The following SLC16A10 variants were observed in gnomAD, a reference collection of about 807,000 sequenced individuals.
SLC16A10 encodes monocarboxylate transporter 10.
In SLC16A10, 27 loss-of-function variants were observed where a neutral mutation model predicts 40.0. The ratio of observed to expected loss-of-function variants is 0.67; its 90% confidence interval spans 0.50 to 0.93. The LOEUF (loss-of-function observed/expected upper bound fraction) is 0.93, where lower values mean the gene tolerates loss of function less well. Among genes scored for constraint, SLC16A10 ranks in the 40% least tolerant of loss-of-function variants. The probability of loss-of-function intolerance (pLI) is 0.00; values close to 1 mark genes in which losing one functional copy is unlikely to be tolerated. For synonymous variants in SLC16A10, 213 were observed against 249.8 expected, an observed-to-expected ratio of 0.85 and a Z score of 1.39; for missense variants, 529 against 658.2, an observed-to-expected ratio of 0.80 and a Z score of 2.15.
chr6:111,157,878 G>A (rs1486392926), intron 1 of SLC16A10, among the ~76,000 whole-genome samples: 1 of 149,498 alleles, frequency 6.7e-6, no homozygotes, highest in Admixed American at 6.7e-5. Context: ...TCAGTACTAT[G>A]ATCCTTCTTA....
chr6:111,134,583 T>C (rs941579980), intron 1 of SLC16A10, among the ~76,000 whole-genome samples: 3 of 151,172 alleles, frequency 2.0e-5, no homozygotes, highest in African/African-American at 7.3e-5. Flanking sequence ...ACTGCTTTAG[T>C]CATGGCCCTC....
intron 1 of SLC16A10, among the ~76,000 whole-genome samples, chr6:111,151,408 C>CT (rs764846034): frequency 2.6e-5 from 4 of 152,172 alleles, no homozygotes; most frequent in Non-Finnish European, 5.9e-5. Flanking sequence ...CTCCCTTCAT[C>CT]TTTTTTAATC....
At chr6:111,175,934 A>G (rs1418345271) in intron 2 of SLC16A10, among the ~76,000 whole-genome samples, 1 of 151,904 alleles carries the variant, frequency 6.6e-6, no homozygotes, top group Non-Finnish European at 1.5e-5. Context: ...GTCTCAAGCC[A>G]TCCTCCTGCC....
chr6:111,217,461 G>GTT (rs2114593374), intron 4 of SLC16A10, among the ~76,000 whole-genome samples: 1 of 152,076 alleles, frequency 6.6e-6, no homozygotes, highest in South Asian at 2.1e-4. Context: ...TGTTGTTGTT[G>GTT]TTGTTTGAGA....
intron 4 of SLC16A10, among the ~76,000 whole-genome samples, chr6:111,215,273 AAAC>A (rs749468761): frequency 1.1e-4 from 17 of 152,182 alleles, no homozygotes; most frequent in African/African-American, 1.7e-4. Context: ...AATTGTTCTA[AAAC>A]AACATTAGCA....
At chr6:111,168,181 T>C (rs1772513967) in intron 1 of SLC16A10, among the ~76,000 whole-genome samples, 1 of 152,178 alleles carries the variant, frequency 6.6e-6, no homozygotes, top group Non-Finnish European at 1.5e-5. Context: ...GGTTTCGCCC[T>C]GTTGGCCAGG....
Position 111,218,952 on chromosome 6 carries a change from G to A in SLC16A10, c.1225G>A (p.Glu409Lys). 2 of 1,614,080 alleles carry A rather than the reference G, an allele frequency of 1.2e-6. No individual in the cohort carries two copies. Among genetic ancestry groups the A allele is most frequent in the Middle Eastern group, 1.6e-4 (1 of 6,062 alleles). ...TTCCATTATGGCTCCCATAGCCTTT[G>A]AGTTAGTTGGTGCCCAGGATGTCTC... ...FISIMAPIAF[E>K]LVGAQDVSQA... The change falls in exon 5 of 6, where the codon GAG becomes AAG. Residue 409 changes from glutamate to lysine, a missense_variant. Glu to Lys is a moderately conservative substitution (Grantham distance 56). Transcript: ENST00000368851.
chr6:111,140,590 T>G (rs890961610), intron 1 of SLC16A10, among the ~76,000 whole-genome samples: 5 of 152,206 alleles, frequency 3.3e-5, no homozygotes, highest in Non-Finnish European at 7.3e-5. Flanking sequence ...TATGGAGGTA[T>G]GTCAGTGGAG....
intron 4 of SLC16A10, among the ~76,000 whole-genome samples, chr6:111,208,982 A>G (rs1773297770): frequency 6.6e-6 from 1 of 152,116 alleles, no homozygotes; most frequent in Non-Finnish European, 1.5e-5. Flanking sequence ...CAGGAGGATC[A>G]CTTGAGGCCA....
chr6:111,088,109 C>T lies in SLC16A10; in HGVS notation c.343+14C>T, dbSNP rs1770903424. ...TCTTTAAGACAGGTGAGGCGCGGCGCCCGCCGAGGCCAGCCTGGGCGACCC... is the reference window on the plus strand; with the variant it reads ...TCTTTAAGACAGGTGAGGCGCGGCGTCCGCCGAGGCCAGCCTGGGCGACCC... On this transcript the variant is annotated intron_variant, in intron 1 of 5. Transcript: ENST00000368851. 9 of 1,589,650 alleles carry T rather than the reference C, an allele frequency of 5.7e-6. No homozygotes were observed. Among genetic ancestry groups the T allele is most frequent in the South Asian group, 1.1e-5 (1 of 87,958 alleles).
At chr6:111,102,703 G>C (rs919874124) in intron 1 of SLC16A10, among the ~76,000 whole-genome samples, 2 of 152,144 alleles carry the variant, frequency 1.3e-5, no homozygotes, top group Admixed American at 6.6e-5. Context: ...AATAAACCAT[G>C]TAGAGACTTG....
rs563671372 is a variant in SLC16A10, at chr6:111,199,459, C to CAA, written c.943-7119_943-7118dup. On this transcript the variant is annotated intron_variant, in intron 3 of 5. Coordinates refer to ENST00000368851, the MANE Select transcript of SLC16A10 (RefSeq NM_018593.5). ...GGGTGACAAGACCAAAATGCCATCT[C>CAA]AAAAAAAAAAAAAAATCGAATGTAG... Among the ~76,000 whole-genome samples, 203 of 97,952 alleles carry CAA rather than the reference C, an allele frequency of 2.1e-3. 1 individual carries two copies. The highest frequency in any genetic ancestry group is 7.1e-3 in the African/African-American group (194 of 27,212). The allele number at this position is 97,952 out of a possible 152,430, so 64.3% of individuals were successfully genotyped here. A position where few individuals can be genotyped will look rare whatever the true frequency, so the allele number is the denominator to read the frequency against.
chr6:111,125,207 G>A (rs1331916632), intron 1 of SLC16A10, among the ~76,000 whole-genome samples: 1 of 152,092 alleles, frequency 6.6e-6, no homozygotes, highest in Non-Finnish European at 1.5e-5. Flanking sequence ...AGATCTTTCT[G>A]CATCTATAAT....
chr6:111,139,108 T>TA (rs1771935901), intron 1 of SLC16A10, among the ~76,000 whole-genome samples: 1 of 149,274 alleles, frequency 6.7e-6, no homozygotes, highest in African/African-American at 2.4e-5. Context: ...TTTTTTTTTT[T>TA]ACTGTGAAAA....
chr6:111,199,724 T>C (rs1380037597), intron 3 of SLC16A10, among the ~76,000 whole-genome samples: 1 of 152,012 alleles, frequency 6.6e-6, no homozygotes, highest in African/African-American at 2.4e-5. Flanking sequence ...CTGGTTTTGG[T>C]TGGTAATTCC....
chr6:111,220,132 C>T (rs1187327179), intron 5 of SLC16A10, among the ~76,000 whole-genome samples: 1 of 152,054 alleles, frequency 6.6e-6, no homozygotes, highest in Non-Finnish European at 1.5e-5. Flanking sequence ...TGTGAAATAT[C>T]CAAAATAGGT....
chr6:111,134,129 C>A (rs918467333), intron 1 of SLC16A10, among the ~76,000 whole-genome samples: 2 of 152,186 alleles, frequency 1.3e-5, no homozygotes, highest in African/African-American at 2.4e-5. Flanking sequence ...GGAAAGAGAA[C>A]GATTCCCCAC....
intron 1 of SLC16A10, among the ~76,000 whole-genome samples, chr6:111,091,573 C>T (rs1770975712): frequency 6.6e-6 from 1 of 152,122 alleles, no homozygotes; most frequent in Non-Finnish European, 1.5e-5. Flanking sequence ...CATAGAAGAA[C>T]AAGATACTTC....
chr6:111,112,733 A>G (rs1771412774), intron 1 of SLC16A10, among the ~76,000 whole-genome samples: 1 of 152,230 alleles, frequency 6.6e-6, no homozygotes, highest in Admixed American at 6.5e-5. Context: ...TTTATTTGCA[A>G]TTTTGCCTTG....
Sources: gnomAD v4.1 joint callset for allele counts (sites outside exome capture counted in the v4.1 genomes callset) on GRCh38, gnomAD v4.1.1 for gene constraint, MANE v1.5 for transcripts, NCBI Gene and HGNC (gene_info 2026-07-23, HGNC 2026-07-21) for gene names.